AFF1: variants seen among roughly 807,000 people sequenced by gnomAD.
AFF1 encodes AF4/FMR2 family member 1.
In AFF1, 48 loss-of-function variants were observed where a neutral mutation model predicts 121.7. The ratio of observed to expected loss-of-function variants is 0.39; its 90% CI spans 0.31 to 0.50. The LOEUF (loss-of-function observed/expected upper bound fraction) is 0.50, where lower values mean the gene tolerates loss of function less well. Ranked by LOEUF, AFF1 falls within the 20% of genes least tolerant of loss-of-function variation. The pLI is 0.76. For missense variants in AFF1, 1,523 were observed against 1,511.7 expected (o/e 1.01, Z -0.12); for synonymous variants, 613 against 563.0 (o/e 1.09, Z -1.26).
At chr4:87,087,924 A>G (rs1391451916) in intron 5 of AFF1, among the ~76,000 whole-genome samples, 1 of 152,254 alleles carries the variant, frequency 6.6e-6, no homozygotes, top group African/African-American at 2.4e-5. Context: ...TACCAAGTAA[A>G]TAAAACAGCA....
At chr4:86,961,501 C>CT (rs1409065633) in intron 2 of AFF1, among the ~76,000 whole-genome samples, 1 of 151,328 alleles carries the variant, frequency 6.6e-6, no homozygotes, top group Admixed American at 6.6e-5. Context: ...TTCAGCATGG[C>CT]TACAGTAGTC....
chr4:87,115,068 A>T lies in AFF1; in HGVS notation c.2235A>T (p.Arg745Ser). The T allele has an allele frequency of 6.2e-7, 1 of 1,613,540 alleles. No individual in the cohort carries two copies. ...TCCAGGAGGACAGCCGCAAAGACAG[A>T]CTCCCATTGCCTTTGAGAGACACCA... ...VVVQEDSRKD[R>S]LPLPLRDTKL... is the part of the protein sequence containing the mutation. The change falls in exon 12 of 21, where the codon AGA becomes AGT. Residue 745 changes from arginine (R) to serine (S), a missense_variant. Coordinates refer to ENST00000395146, the MANE Select transcript of AFF1 (RefSeq NM_001166693.3).
chr4:86,940,125 G>A (rs958206172), intron 1 of AFF1, among the ~76,000 whole-genome samples: 1 of 152,142 alleles, frequency 6.6e-6, no homozygotes, highest in South Asian at 2.1e-4. Context: ...TTTGAGACTA[G>A]CCTGGGCAAC....
chr4:86,961,373 G>T (rs1722130695), intron 2 of AFF1, among the ~76,000 whole-genome samples: 1 of 152,130 alleles, frequency 6.6e-6, no homozygotes, highest in Admixed American at 6.5e-5. Flanking sequence ...GAAGCTGGTG[G>T]CAGGGATATA....
chr4:87,002,328 T>TG (rs778677255), intron 2 of AFF1, among the ~76,000 whole-genome samples: 12 of 151,378 alleles, frequency 7.9e-5, no homozygotes, highest in Non-Finnish European at 1.5e-4. Context: ...ACTCCTGGCC[T>TG]CAAGTGATCC....
chr4:87,056,790 G>T (rs1317565793), intron 4 of AFF1, among the ~76,000 whole-genome samples: 1 of 152,182 alleles, frequency 6.6e-6, no homozygotes, highest in Admixed American at 6.5e-5. Context: ...AGGTAATACG[G>T]AACTCTTCAT....
intron 4 of AFF1, among the ~76,000 whole-genome samples, chr4:87,057,215 C>T (rs1295925996): frequency 6.6e-6 from 1 of 152,108 alleles, no homozygotes; most frequent in Non-Finnish European, 1.5e-5. Context: ...GTGGCAGGGC[C>T]TGTGGCTCCA....
intron 2 of AFF1, among the ~76,000 whole-genome samples, chr4:87,037,894 C>T (rs1254485037): frequency 6.6e-6 from 1 of 152,080 alleles, no homozygotes; most frequent in Non-Finnish European, 1.5e-5. Context: ...GTATCACCCT[C>T]CTAGAGAATG....
In AFF1 at chr4:87,137,575, T is replaced by C. The variant is rs922864633; in HGVS notation, c.*1874T>C. ...CATATCTGAGCATAAGACCTTGATG[T>C]GTGATTCCTGATGACCGGTTTCATT... On this transcript the variant is annotated 3_prime_UTR_variant, in exon 21 of 21. Transcript: ENST00000395146. 3 of 230,724 alleles carry C rather than the reference T, an allele frequency of 1.3e-5. No homozygotes were observed. Among genetic ancestry groups the C allele is most frequent in the Non-Finnish European group, 2.6e-5 (3 of 116,568 alleles). The allele number at this position is 230,724 out of a possible 1,614,324, so 14.3% of individuals were successfully genotyped here. A position where few individuals can be genotyped will look rare whatever the true frequency, so the allele number is the denominator to read the frequency against.
At chr4:87,023,893 A>G (rs778049342) in intron 2 of AFF1, among the ~76,000 whole-genome samples, 2 of 152,196 alleles carry the variant, frequency 1.3e-5, no homozygotes, top group Non-Finnish European at 1.5e-5. Flanking sequence ...CTTTAAGATT[A>G]CTTGGAGGAG....
At chr4:87,123,061 T>TGG (rs1727874542) in intron 12 of AFF1, among the ~76,000 whole-genome samples, 1 of 151,960 alleles carries the variant, frequency 6.6e-6, no homozygotes, top group South Asian at 2.1e-4. Context: ...ACTCGACTAA[T>TGG]TTTTATGTTT....
Position 87,136,927 on chromosome 4 carries a change from CAG to C in AFF1, c.*1229_*1230del, listed in dbSNP as rs1052821329. The stretch of plus-strand genomic sequence containing the variant: ...AACTCATCACCACATGCCTTCACTC[CAG>C]AGTGTTCTCAGCTAGATTTGATTTG... On this transcript the variant is annotated 3_prime_UTR_variant, in exon 21 of 21. Transcript: ENST00000395146. 2 of 220,884 alleles carry C rather than the reference CAG, an allele frequency of 9.1e-6. No individual in the cohort carries two copies. Among genetic ancestry groups the C allele is most frequent in the African/African-American group, 2.2e-5 (1 of 44,684 alleles). The allele number at this position is 220,884 out of a possible 1,614,324, so 13.7% of individuals were successfully genotyped here. A position where few individuals can be genotyped will look rare whatever the true frequency, so the allele number is the denominator to read the frequency against.
intron 5 of AFF1, among the ~76,000 whole-genome samples, chr4:87,085,751 C>T (rs1256561252): frequency 5.8e-5 from 8 of 139,084 alleles, no homozygotes; most frequent in Admixed American, 4.3e-4. Context: ...AGAAACATAC[C>T]TTTTTTTTTT....
intron 2 of AFF1, among the ~76,000 whole-genome samples, chr4:87,003,899 T>C (rs1293380209): frequency 6.6e-6 from 1 of 152,152 alleles, no homozygotes; most frequent in Non-Finnish European, 1.5e-5. Flanking sequence ...CAAATGAAAA[T>C]AAATGTTGGC....
intron 20 of AFF1, 120 bp from the exon 21 acceptor site, chr4:87,135,460 G>C (rs1215865484): frequency 1.9e-6 from 2 of 1,038,778 alleles, no homozygotes; most frequent in Non-Finnish European, 2.7e-6. Context: ...TTTTTGATGT[G>C]ATTAAGTGCA....
chr4:87,014,660 C>T (rs1727127918), intron 2 of AFF1, among the ~76,000 whole-genome samples: 1 of 152,170 alleles, frequency 6.6e-6, no homozygotes, highest in South Asian at 2.1e-4. Context: ...CTATGTTATA[C>T]AGTGTAATTA....
chr4:87,022,532 C>T (rs1459454455), intron 2 of AFF1, among the ~76,000 whole-genome samples: 1 of 105,380 alleles, frequency 9.5e-6, no homozygotes, highest in Non-Finnish European at 1.9e-5. Context: ...TGTTTTCTTC[C>T]CGTGCTTACA....
chr4:87,000,153 TAAATG>T (rs944545185), intron 2 of AFF1, among the ~76,000 whole-genome samples: 7 of 152,082 alleles, frequency 4.6e-5, no homozygotes, highest in Non-Finnish European at 7.4e-5. Flanking sequence ...AATGAGTAAA[TAAATG>T]GAGAAGAGGC....
At position 87,137,657 on chromosome 4, in the gene AFF1, T is replaced by G. The variant is rs1037169651; in HGVS notation, c.*1956T>G. The G allele has an allele frequency of 4.7e-5, 11 of 232,490 alleles. No homozygotes were observed. The highest frequency in any genetic ancestry group is 1.8e-4 in the African/African-American group (8 of 45,320). The allele number at this position is 232,490 out of a possible 1,614,324, so 14.4% of individuals were successfully genotyped here. On this transcript the variant is annotated 3_prime_UTR_variant, in exon 21 of 21. Coordinates refer to ENST00000395146, the MANE Select transcript of AFF1 (RefSeq NM_001166693.3). ...TTTTAAACTACTAGTTTTAAAAACC[T>G]GTGTTAAATGAACAGTAATTGCCTG...
Sources: allele counts gnomAD v4.1 joint callset (sites outside exome capture counted in the v4.1 genomes callset), GRCh38; gene constraint gnomAD v4.1.1; transcripts MANE v1.5; gene names NCBI Gene and HGNC (gene_info 2026-07-23, HGNC 2026-07-21).